The following EVC2 variants were observed in gnomAD, a reference collection of about 807,000 sequenced individuals.
The protein encoded by EVC2 is EvC ciliary complex subunit 2.
Under a neutral mutation model 149.3 loss-of-function variants are expected in EVC2, and 148 were observed. The ratio of observed to expected loss-of-function variants is 0.99; its 90% CI spans 0.87 to 1.14. The LOEUF is 1.14. EVC2 is among the 50% of genes most tolerant of loss of function. EVC2 has a pLI of 0.00. For missense variants in EVC2, 1,854 were observed against 1,627.3 expected (o/e 1.14, Z -2.40); for synonymous variants, 776 against 649.9 (o/e 1.19, Z -2.95).
In EVC2 at chr4:5,618,336, GA is replaced by G. The variant is rs1715422410; in HGVS notation, c.2706+141del. The G allele has an allele frequency of 4.4e-6, 4 of 918,408 alleles. No individual in the cohort carries two copies. Among genetic ancestry groups the G allele is most frequent in the Non-Finnish European group, 6.9e-6 (4 of 576,966 alleles). The allele number at this position is 918,408 out of a possible 1,614,324, so 56.9% of individuals were successfully genotyped here. On this transcript the variant is annotated intron_variant, in intron 15 of 21. Transcript: ENST00000344408. This position sits in a 1 kb window ranked among gnomAD's most constrained non-coding sequence, Gnocchi z 4.4. ...GCCCTGGAGATTCCTGGAATAGCTG[GA>G]CACCAATGCAGCCAGAGAGGAGAGG...
the EVC2 span, among the ~76,000 whole-genome samples, chr4:5,532,496 A>G: frequency 1.3e-5 from 2 of 152,128 alleles, no homozygotes; most frequent in African/African-American, 4.8e-5. Context: ...CAACAGACCC[A>G]AGACTCAGGC....
In EVC2 at chr4:5,681,236, C is replaced by T. The variant is rs367680354; in HGVS notation, c.870+24G>A. ...ACAGCACAGGTGTGTCCTGAGGGTGCTCAGGGCATGTCATGTCTCTTACCG... is the reference window on the plus strand; with the variant it reads ...ACAGCACAGGTGTGTCCTGAGGGTGTTCAGGGCATGTCATGTCTCTTACCG... On this transcript the variant is annotated intron_variant, in intron 7 of 21. Transcript: ENST00000344408. 9.3e-5 allele frequency: 150 copies of T among 1,614,134 alleles called. No homozygotes were observed. In the Admixed American group the frequency reaches 2.0e-3, roughly 21 times the overall value.
chr4:5,560,853 A>T (rs1344199333), downstream of EVC2, among the ~76,000 whole-genome samples: 1 of 152,208 alleles, frequency 6.6e-6, no homozygotes, highest in Non-Finnish European at 1.5e-5. The surrounding 1 kb of genome is among the most constrained non-coding windows in gnomAD (Gnocchi z 4.1). Flanking sequence ...ACTGCTAAAA[A>T]GTTGTAGAGC....
chr4:5,691,446 T>C (rs1721114998), intron 3 of EVC2, 113 bp from the exon 4 acceptor site: 2 of 795,560 alleles, frequency 2.5e-6, no homozygotes, highest in Non-Finnish European at 4.2e-6. Flanking sequence ...TTACTGCTAC[T>C]AATCCTTAAG....
In EVC2 at chr4:5,564,747, T is replaced by C. The variant is rs181604681; in HGVS notation, c.3659+511A>G. ...CTTCCCTCTGTCTGTAGGTGTGTGA[T>C]AGCCACAGCCAAGGAAAAAGGCATT... On this transcript the variant is annotated intron_variant, in intron 21 of 21. Coordinates refer to ENST00000344408, the MANE Select transcript of EVC2 (RefSeq NM_147127.5). Among the ~76,000 whole-genome samples, 670 of 152,312 alleles carry C rather than the reference T, an allele frequency of 4.4e-3. 5 individuals carry two copies. Among genetic ancestry groups the C allele is most frequent in the Non-Finnish European group, 8.0e-3 (541 of 68,034 alleles).
rs981836358 is a variant in EVC2, at chr4:5,625,163, G to A, written c.2046+586C>T. ...TGGATGGAAGGTAACCCCTTAGCAC[G>A]GCACACCATGCCCCCATTGACTTGC... On this transcript the variant is annotated intron_variant, in intron 13 of 21. Coordinates refer to ENST00000344408, the MANE Select transcript of EVC2 (RefSeq NM_147127.5). The surrounding 1 kb of genome is among the most constrained non-coding windows in gnomAD (Gnocchi z 4.0). Among the ~76,000 whole-genome samples, 21 of 151,808 alleles carry A rather than the reference G, an allele frequency of 1.4e-4. No individual in the cohort carries two copies. Among genetic ancestry groups the A allele is most frequent in the Non-Finnish European group, 2.9e-5 (2 of 67,958 alleles).
At chr4:5,702,239 C>T (rs373653832) in intron 1 of EVC2, among the ~76,000 whole-genome samples, 3 of 152,262 alleles carry the variant, frequency 2.0e-5, no homozygotes, top group East Asian at 1.9e-4. Context: ...ATCATGAGTG[C>T]CCCTCATCTC....
chr4:5,593,841 C>A (rs1315359391), intron 16 of EVC2, among the ~76,000 whole-genome samples: 1 of 152,092 alleles, frequency 6.6e-6, no homozygotes, highest in African/African-American at 2.4e-5. Context: ...ACAGATGGCA[C>A]CTGGAAAATT....
downstream of EVC2, among the ~76,000 whole-genome samples, chr4:5,540,955 C>A (rs1302127031): frequency 6.6e-6 from 1 of 152,042 alleles, no homozygotes; most frequent in Non-Finnish European, 1.5e-5. Flanking sequence ...TCAGAGAAGC[C>A]CTTTAGGTTT....
At position 5,625,706 on chromosome 4, in the gene EVC2, A is replaced by T. The variant is rs751778605; in HGVS notation, c.2046+43T>A. 6.2e-7 allele frequency: 1 copy of T among 1,612,438 alleles called. No individual in the cohort carries two copies. The highest frequency in any genetic ancestry group is 8.5e-7 in the Non-Finnish European group (1 of 1,179,004). ...GTACCTGGCACTTGATGGGTATCAG[A>T]AAGTGCCTATGCAAAGAATAAATAG... On this transcript the variant is annotated intron_variant, in intron 13 of 21. Coordinates refer to ENST00000344408, the MANE Select transcript of EVC2 (RefSeq NM_147127.5). The surrounding 1 kb of genome is among the most constrained non-coding windows in gnomAD (Gnocchi z 4.0).
intron 1 of EVC2, among the ~76,000 whole-genome samples, chr4:5,700,893 G>A (rs1301936349): frequency 1.3e-5 from 2 of 152,144 alleles, no homozygotes; most frequent in Non-Finnish European, 2.9e-5. Context: ...AGCACCATTC[G>A]ATATGTGCTT....
At chr4:5,582,328 A>T (rs951695350) in intron 17 of EVC2, among the ~76,000 whole-genome samples, 2 of 152,254 alleles carry the variant, frequency 1.3e-5, no homozygotes, top group African/African-American at 4.8e-5. Context: ...TTGGGAGCCC[A>T]TCCCTTGGAC....
the EVC2 span, among the ~76,000 whole-genome samples, chr4:5,536,268 C>T: frequency 6.6e-6 from 1 of 152,042 alleles, no homozygotes; most frequent in Non-Finnish European, 1.5e-5. Flanking sequence ...CCTAGTGCCC[C>T]TCACCCAAGA....
chr4:5,652,302 A>G (rs1718201381), intron 9 of EVC2, among the ~76,000 whole-genome samples: 1 of 152,106 alleles, frequency 6.6e-6, no homozygotes, highest in Non-Finnish European at 1.5e-5. Context: ...CAGGATGGCA[A>G]CACAATTCAG....
At chr4:5,560,142 G>C (rs1163780551), downstream of EVC2, among the ~76,000 whole-genome samples, 1 of 151,578 alleles carries the variant, frequency 6.6e-6, no homozygotes, top group African/African-American at 2.4e-5. This position sits in a 1 kb window ranked among gnomAD's most constrained non-coding sequence, Gnocchi z 4.1. Flanking sequence ...GCCCCTGCTT[G>C]TAAGTAACAA....
chr4:5,619,855 A>G (rs1487995144), intron 14 of EVC2, among the ~76,000 whole-genome samples: 1 of 152,206 alleles, frequency 6.6e-6, no homozygotes, highest in African/African-American at 2.4e-5. Flanking sequence ...TATTCGTTGA[A>G]CAAAGATTAG....
chr4:5,628,816 T>C, intron 11 of EVC2, 82 bp from the exon 12 acceptor site: 1 of 1,382,988 alleles, frequency 7.2e-7, no homozygotes, highest in Non-Finnish European at 9.9e-7. Flanking sequence ...AAATATTATT[T>C]TTCCTTTTAT....
Position 5,622,562 on chromosome 4 carries a change from G to A in EVC2, c.2476C>T (p.Arg826Ter), listed in dbSNP as rs548681312. The change falls in exon 14 of 22, where the codon CGA (arginine) becomes TGA (stop). Residue 826 changes from arginine to a stop codon, truncating the protein, a stop_gained. Transcript: ENST00000344408. LOFTEE classifies it high-confidence loss of function. This position sits in a 1 kb window ranked among gnomAD's most constrained non-coding sequence, Gnocchi z 5.8. ...EAVTEEQAEL[R>*]RWEHLIFMKL... ...ATGAAGATCAGGTGCTCCCAGCGTC[G>A]CAGCTCTGCCTGCTCCTCTGTCACG... 19 of 1,613,904 alleles carry A rather than the reference G, an allele frequency of 1.2e-5. No homozygotes were observed. The highest frequency in any genetic ancestry group is 1.7e-5 in the Admixed American group (1 of 60,002).
chr4:5,598,435 C>G (rs1713658436), intron 16 of EVC2, among the ~76,000 whole-genome samples: 2 of 151,880 alleles, frequency 1.3e-5, no homozygotes, highest in Non-Finnish European at 2.9e-5. Flanking sequence ...ACTATCTGAT[C>G]TTTGACAAAC....
Sources: allele counts gnomAD v4.1 joint callset (sites outside exome capture counted in the v4.1 genomes callset), GRCh38; gene constraint gnomAD v4.1.1; non-coding constraint Gnocchi (gnomAD v3.1); transcripts MANE v1.5; gene names NCBI Gene and HGNC (gene_info 2026-07-23, HGNC 2026-07-21).